Variants in FGF1 observed in about 807,000 individuals in gnomAD.
FGF1 encodes fibroblast growth factor 1.
In FGF1, 9 loss-of-function variants were observed where a neutral mutation model predicts 13.4. The ratio of observed to expected loss-of-function variants is 0.67; its 90% CI spans 0.40 to 1.17. The LOEUF (loss-of-function observed/expected upper bound fraction) is 1.17, where lower values mean the gene tolerates loss of function less well. Among genes scored for constraint, FGF1 ranks in the 50% most tolerant of loss-of-function variants. The pLI is 0.01. For synonymous variants in FGF1, 93 were observed against 79.0 expected, an observed-to-expected ratio of 1.18 and a Z score of -0.94; for missense variants, 156 against 192.7, an observed-to-expected ratio of 0.81 and a Z score of 1.13.
intron 1 of FGF1, among the ~76,000 whole-genome samples, chr5:142,639,271 A>G (rs1287533875): frequency 6.6e-6 from 1 of 152,022 alleles, no homozygotes; most frequent in Non-Finnish European, 1.5e-5. Context: ...AATCAACCTA[A>G]GTGTCCATTT....
At chr5:142,646,004 G>A (rs570615378) in intron 1 of FGF1, among the ~76,000 whole-genome samples, 19 of 152,054 alleles carry the variant, frequency 1.2e-4, no homozygotes, top group Non-Finnish European at 2.5e-4. Flanking sequence ...TGCCTCCCGC[G>A]TTCAAGTCAT....
intron 1 of FGF1, among the ~76,000 whole-genome samples, chr5:142,619,414 A>G (rs1474336767): frequency 6.6e-6 from 1 of 152,176 alleles, no homozygotes; most frequent in African/African-American, 2.4e-5. Flanking sequence ...TTTGGTTCCA[A>G]ATATGCTCTA....
chr5:142,627,034 G>A (rs1470834414), intron 1 of FGF1: 1 of 152,326 alleles, frequency 6.6e-6, no homozygotes, highest in African/African-American at 2.4e-5. Context: ...AATAGGACAA[G>A]GTCCAGGAGG....
At chr5:142,689,021 A>G (rs974111786), upstream of FGF1, among the ~76,000 whole-genome samples, 1 of 152,208 alleles carries the variant, frequency 6.6e-6, no homozygotes, top group African/African-American at 2.4e-5. Flanking sequence ...GCATTATTGA[A>G]TCAACAGGGT....
chr5:142,672,720 G>A (rs1001129230), intron 1 of FGF1, among the ~76,000 whole-genome samples: 12 of 152,068 alleles, frequency 7.9e-5, no homozygotes, highest in Non-Finnish European at 1.5e-4. Context: ...GGCCAGGCTC[G>A]TCTCGAACTC....
chr5:142,599,532 G>A (rs374001990), intron 3 of FGF1, among the ~76,000 whole-genome samples: 15 of 152,312 alleles, frequency 9.8e-5, no homozygotes, highest in African/African-American at 3.4e-4. Context: ...GAGGAAAGGG[G>A]TGTGGATTGG....
chr5:142,651,703 G>A (rs1767281647), intron 1 of FGF1, among the ~76,000 whole-genome samples: 1 of 152,006 alleles, frequency 6.6e-6, no homozygotes, highest in South Asian at 2.1e-4. Context: ...TGCCTCCATA[G>A]TTTTGCCTTT....
At chr5:142,630,039 G>T (rs1422451699) in intron 1 of FGF1, among the ~76,000 whole-genome samples, 2 of 151,644 alleles carry the variant, frequency 1.3e-5, no homozygotes, top group Non-Finnish European at 2.9e-5. Flanking sequence ...GATTACAGGC[G>T]TCCGCCACCA....
chr5:142,689,694 GTTTTTTTTT>G (rs5871823), upstream of FGF1, among the ~76,000 whole-genome samples: 249 of 115,490 alleles, frequency 2.2e-3, 2 homozygotes, highest in African/African-American at 8.0e-3. Flanking sequence ...CTCGATCCTA[GTTTTTTTTT>G]TTTTTTTTTT....
chr5:142,597,981 A>T (rs773685493), intron 3 of FGF1, among the ~76,000 whole-genome samples: 5 of 152,246 alleles, frequency 3.3e-5, no homozygotes, highest in African/African-American at 4.8e-5. Flanking sequence ...TTCATAATCT[A>T]GTGAAATGAC....
intron 1 of FGF1, among the ~76,000 whole-genome samples, chr5:142,673,904 C>T (rs189223425): frequency 6.6e-6 from 1 of 152,310 alleles, no homozygotes; most frequent in East Asian, 1.9e-4. Flanking sequence ...TTGCATGGCT[C>T]CAGGGCCCTG....
chr5:142,597,382 A>T (rs1005164979), intron 3 of FGF1, among the ~76,000 whole-genome samples: 3 of 152,206 alleles, frequency 2.0e-5, no homozygotes, highest in African/African-American at 7.2e-5. Context: ...TTAAGTGGGT[A>T]AAAGAATATC....
Position 142,651,400 on chromosome 5 carries a change from A to G in FGF1, c.-35+34557T>C, listed in dbSNP as rs549270384. 5.3e-5 allele frequency among the ~76,000 whole-genome samples: 8 copies of G among 152,336 alleles called. No individual in the cohort carries two copies. In the South Asian group the frequency reaches 1.7e-3, roughly 32 times the overall value. ...TCCAGCAAAACCGAGCAGAAAGGACAGAGAATTCCTCTTCCCCAGTCCCAC... is the reference window on the plus strand; with the variant it reads ...TCCAGCAAAACCGAGCAGAAAGGACGGAGAATTCCTCTTCCCCAGTCCCAC... On this transcript the variant is annotated intron_variant, in intron 1 of 3. Coordinates refer to ENST00000337706, the MANE Select transcript of FGF1 (RefSeq NM_000800.5).
At chr5:142,695,450 T>C (rs1752951200) in intron 2 of FGF1, among the ~76,000 whole-genome samples, 1 of 151,662 alleles carries the variant, frequency 6.6e-6, no homozygotes, top group Non-Finnish European at 1.5e-5. Context: ...GGTGTGGTGG[T>C]GGATGCCTGT....
At chr5:142,672,707 G>A (rs909383355) in intron 1 of FGF1, among the ~76,000 whole-genome samples, 1 of 152,032 alleles carries the variant, frequency 6.6e-6, no homozygotes, top group Non-Finnish European at 1.5e-5. Context: ...GTTTCACCCT[G>A]TTGGCCAGGC....
In FGF1 at chr5:142,614,088, C is replaced by G. The variant is rs529994538; in HGVS notation, c.40G>C (p.Glu14Gln). 6 of 1,614,216 alleles carry G rather than the reference C, an allele frequency of 3.7e-6. No homozygotes were observed. The Admixed American group carries it at 5.0e-5, about 13-fold the overall frequency. Residue 14 changes from glutamate (E) to glutamine (Q), a missense_variant, in exon 2 of 4, where the codon GAG (glutamate) becomes CAG (glutamine). Coordinates refer to ENST00000337706, the MANE Select transcript of FGF1 (RefSeq NM_000800.5). ...GEITTFTALT[E>Q]KFNLPPGNYK... ...TTCCCTGGAGGCAGATTAAACTTCT[C>G]GGTCAGGGCTGTGAAGGTGGTGATT... is the stretch of plus-strand genomic sequence containing the variant.
chr5:142,659,845 C>T (rs777112234), intron 1 of FGF1, among the ~76,000 whole-genome samples: 6 of 152,180 alleles, frequency 3.9e-5, no homozygotes, highest in South Asian at 2.1e-4. Flanking sequence ...GAGAGAGTCA[C>T]GGCCAAAGAT....
intron 1 of FGF1, among the ~76,000 whole-genome samples, chr5:142,674,193 A>G (rs1490380870): frequency 2.6e-5 from 4 of 152,134 alleles, no homozygotes; most frequent in African/African-American, 7.2e-5. Flanking sequence ...CTCTTTGGAG[A>G]AGACATCTTA....
chr5:142,661,973 C>T (rs1769328078), intron 1 of FGF1, among the ~76,000 whole-genome samples: 1 of 151,868 alleles, frequency 6.6e-6, no homozygotes, highest in African/African-American at 2.4e-5. Flanking sequence ...GCACTCCAGC[C>T]TGGGCGACAG....
Sources: allele counts gnomAD v4.1 joint callset (sites outside exome capture counted in the v4.1 genomes callset), GRCh38; gene constraint gnomAD v4.1.1; transcripts MANE v1.5; gene names NCBI Gene and HGNC (gene_info 2026-07-23, HGNC 2026-07-21).